The following ANKRD18B variants were observed in gnomAD, a reference collection of about 807,000 sequenced individuals.
The protein encoded by ANKRD18B is ankyrin repeat domain 18B.
Under a neutral mutation model 111.8 loss-of-function variants are expected in ANKRD18B, and 75 were observed. The ratio of observed to expected loss-of-function variants is 0.67; its 90% CI spans 0.56 to 0.81. The LOEUF (loss-of-function observed/expected upper bound fraction) is 0.81. Ranked by LOEUF, ANKRD18B falls within the 40% of genes least tolerant of loss-of-function variation. ANKRD18B has a pLI of 0.00. For synonymous variants in ANKRD18B, 356 were observed against 417.3 expected, an observed-to-expected ratio of 0.85 and a Z score of 1.79; for missense variants, 1,038 against 1,225.5, an observed-to-expected ratio of 0.85 and a Z score of 2.28.
chr9:33,567,919 TA>T (rs892577777), intron 16 of ANKRD18B, among the ~76,000 whole-genome samples: 4 of 152,204 alleles, frequency 2.6e-5, no homozygotes, highest in Non-Finnish European at 5.9e-5. Flanking sequence ...GGTTCAAAAA[TA>T]ACACCTTGTT....
intron 3 of ANKRD18B, among the ~76,000 whole-genome samples, 174 bp downstream of exon 3, chr9:33,529,347 C>A (rs548352682): frequency 6.6e-6 from 1 of 152,156 alleles, no homozygotes; most frequent in African/African-American, 2.4e-5. Flanking sequence ...TTAGAGGGCA[C>A]AGCTATTTTA....
chr9:33,524,809 G>C (rs1587253167), intron 1 of ANKRD18B, 114 bp downstream of exon 1: 1 of 1,266,404 alleles, frequency 7.9e-7, no homozygotes, highest in East Asian at 2.5e-5. Flanking sequence ...GAGCCAAATG[G>C]AGCCTCAGCT....
chr9:33,554,252 C>A (rs145275855), intron 12 of ANKRD18B, among the ~76,000 whole-genome samples: 9,297 of 152,076 alleles, frequency 0.061, 354 homozygotes, highest in South Asian at 0.11. Context: ...AAGGGTGAGA[C>A]AGCCCCCCTT....
At position 33,572,854 on chromosome 9, in the gene ANKRD18B, A is replaced by G. The variant is rs1206178736; in HGVS notation, c.*420A>G. On this transcript the variant is annotated 3_prime_UTR_variant, in exon 19 of 19. Coordinates refer to ENST00000684830, the MANE Select transcript of ANKRD18B (RefSeq NM_001393611.1). Reference sequence around the variant, plus strand: ...GGAGATACTTTGAAGCTCTGTAAATATCTGGTTACTCCTCAAAACCCACTA... The same window carrying G: ...GGAGATACTTTGAAGCTCTGTAAATGTCTGGTTACTCCTCAAAACCCACTA... 5.5e-5 allele frequency: 32 copies of G among 576,640 alleles called. No homozygotes were observed. The highest frequency in any genetic ancestry group is 7.1e-5 in the Non-Finnish European group (32 of 453,472). The allele number at this position is 576,640 out of a possible 1,614,324, so 35.7% of individuals were successfully genotyped here. A position where few individuals can be genotyped will look rare whatever the true frequency, so the allele number is the denominator to read the frequency against.
At chr9:33,537,180 C>G (rs1828214370) in intron 6 of ANKRD18B, among the ~76,000 whole-genome samples, 1 of 151,408 alleles carries the variant, frequency 6.6e-6, no homozygotes. Context: ...GCCTGTAATC[C>G]CAGCTACTCG....
At chr9:33,529,500 C>A (rs1828080472) in intron 3 of ANKRD18B, among the ~76,000 whole-genome samples, 2 of 152,098 alleles carry the variant, frequency 1.3e-5, no homozygotes, top group South Asian at 4.1e-4. Context: ...TAGGCTTTAT[C>A]TTAAAACTCA....
intron 14 of ANKRD18B, 96 bp downstream of exon 14, chr9:33,558,283 G>C: frequency 7.3e-7 from 1 of 1,367,402 alleles, no homozygotes; most frequent in South Asian, 1.4e-5. Context: ...ATGATGGTTT[G>C]CTGCACGTAT....
In ANKRD18B at chr9:33,567,314, A is replaced by T. The variant is rs780911880; in HGVS notation, c.2954A>T (p.Lys985Ile). 7.1e-6 allele frequency: 11 copies of T among 1,540,150 alleles called. No individual in the cohort carries two copies. The South Asian group carries it at 1.4e-4, about 19-fold the overall frequency. ...AGTTCCATGTCAGAAAAAATAACGA[A>T]GTAAGTCAAAACATATACTCATAGA... ...ANSSMSEKIT[K>I]SDKKIAVIST... The change falls in exon 16 of 19, where the codon AAA becomes ATA. Residue 985 changes from lysine (K) to isoleucine (I), a missense_variant and splice_region_variant. Physicochemically the swap from Lys to Ile is moderately radical, Grantham distance 102. Coordinates refer to ENST00000684830, the MANE Select transcript of ANKRD18B (RefSeq NM_001393611.1).
chr9:33,571,277 C>T lies in ANKRD18B; in HGVS notation c.3209C>T (p.Thr1070Ile), dbSNP rs1407934288. The T allele has an allele frequency of 8.6e-7, 1 of 1,165,244 alleles. No individual in the cohort carries two copies. The highest frequency in any genetic ancestry group is 1.1e-6 in the Non-Finnish European group (1 of 919,176). The allele number at this position is 1,165,244 out of a possible 1,614,324, so 72.2% of individuals were successfully genotyped here. A position where few individuals can be genotyped will look rare whatever the true frequency, so the allele number is the denominator to read the frequency against. ...CTGGACTGTGCAGAACAAATAATTA[C>T]AGAAACAAAGAAAAGTATGTTGCCA... is the stretch of plus-strand genomic sequence containing the variant. Reference protein sequence around the residue: ...MELDCAEQIITETKKTFAALG... With the variant: ...MELDCAEQIIIETKKTFAALG... The change falls in exon 18 of 19, where the codon ACA becomes ATA. Residue 1070 changes from threonine (T) to isoleucine (I), a missense_variant. This residue lies in a region of ANKRD18B where 524 missense variants were observed against 677.9 expected (regional missense o/e 0.77). Coordinates refer to ENST00000684830, the MANE Select transcript of ANKRD18B (RefSeq NM_001393611.1).
At chr9:33,560,601 A>G (rs1447138273) in intron 14 of ANKRD18B, among the ~76,000 whole-genome samples, 2 of 152,176 alleles carry the variant, frequency 1.3e-5, no homozygotes, top group Non-Finnish European at 2.9e-5. Flanking sequence ...TACATCAAAC[A>G]TTTTATGCAA....
rs1359836362 is a variant in ANKRD18B, at chr9:33,534,410, A to G, written c.643A>G (p.Ile215Val). The G allele has an allele frequency of 1.3e-6, 2 of 1,550,734 alleles. No individual in the cohort carries two copies. The highest frequency in any genetic ancestry group is 4.9e-5 in the East Asian group (2 of 40,874). Residue 215 changes from isoleucine to valine, a missense_variant, in exon 5 of 19, where the codon ATC becomes GTC. Transcript: ENST00000684830. ...ILAVQHNLSS[I>V]VTLLLQQNIH... ...TGCAGTACAGCATAACTTGTCAAGTATCGTCACCCTCCTGCTTCAACAAAA... is the reference window on the plus strand; with the variant it reads ...TGCAGTACAGCATAACTTGTCAAGTGTCGTCACCCTCCTGCTTCAACAAAA...
In ANKRD18B at chr9:33,568,765, C is replaced by T. The variant is rs41313967; in HGVS notation, c.3049C>T (p.Pro1017Ser). 0.062 allele frequency: 95,864 copies of T among 1,551,216 alleles called. 3,239 individuals carry two copies. The highest frequency in any genetic ancestry group is 0.12 in the Middle Eastern group (697 of 5,984). Residue 1017 changes from proline (P) to serine (S), a missense_variant, in exon 17 of 19, where the codon CCA (proline) becomes TCA (serine). By Grantham distance (74) the Pro-to-Ser change is moderately conservative. Around this residue, in one of 4 missense-constraint regions of ANKRD18B, gnomAD observed 524 missense variants for 677.9 expected, o/e 0.77. Transcript: ENST00000684830. ...CAGCACTCTTCCTATGAGGCCAGAC[C>T]CAGAGTTACCTTGTGTTGAAAATCT... ...FLSTLPMRPDPELPCVENLNS... is the reference protein window; with the variant it reads ...FLSTLPMRPDSELPCVENLNS...
chr9:33,559,975 C>T (rs1828582085), intron 14 of ANKRD18B, among the ~76,000 whole-genome samples: 1 of 152,220 alleles, frequency 6.6e-6, no homozygotes, highest in African/African-American at 2.4e-5. Flanking sequence ...CTTCCTCCCT[C>T]AGCCCTAGGG....
chr9:33,549,732 GACTTCT>G lies in ANKRD18B; in HGVS notation c.2068-693_2068-688del, dbSNP rs564218266. Among the ~76,000 whole-genome samples the G allele has an allele frequency of 2.6e-3, 402 of 152,144 alleles. 1 individual carries two copies. The highest frequency in any genetic ancestry group is 8.9e-3 in the African/African-American group (370 of 41,498). On this transcript the variant is annotated intron_variant, in intron 11 of 18. Transcript: ENST00000684830. ...TTTTCTGACCACTTAGTATTTTAAA[GACTTCT>G]ACTTGTTATAAAATCACAATTTGGA...
At chr9:33,550,983 C>G (rs1479663556) in intron 12 of ANKRD18B, among the ~76,000 whole-genome samples, 1 of 152,198 alleles carries the variant, frequency 6.6e-6, no homozygotes, top group Non-Finnish European at 1.5e-5. Flanking sequence ...TGAATGGACA[C>G]AGCAGCTGTG....
chr9:33,544,847 A>T (rs1264710965), intron 10 of ANKRD18B, among the ~76,000 whole-genome samples: 3 of 152,208 alleles, frequency 2.0e-5, no homozygotes, highest in African/African-American at 7.2e-5. Context: ...CAAAAAAAAA[A>T]TTCATTACAA....
At position 33,524,568 on chromosome 9, in the gene ANKRD18B, G is replaced by T. The variant is rs1342808549; in HGVS notation, c.79G>T (p.Gly27Trp). 6.4e-7 allele frequency: 1 copy of T among 1,551,512 alleles called. No homozygotes were observed. Among genetic ancestry groups the T allele is most frequent in the Admixed American group, 2.0e-5 (1 of 50,998 alleles). The stretch of plus-strand genomic sequence containing the variant: ...CATGGACCAAGAGTATGCGGGTCGG[G>T]GGTACCACATTCGGGACTGGGAACT... ...SSMDQEYAGRGYHIRDWELRK... is the reference protein window; with the variant it reads ...SSMDQEYAGRWYHIRDWELRK... Residue 27 changes from glycine (G) to tryptophan (W), a missense_variant, in exon 1 of 19, where the codon GGG (glycine) becomes TGG (tryptophan). Transcript: ENST00000684830.
intron 10 of ANKRD18B, among the ~76,000 whole-genome samples, chr9:33,545,546 C>G (rs1311898322): frequency 1.3e-5 from 2 of 152,194 alleles, no homozygotes; most frequent in Admixed American, 6.5e-5. Context: ...AGAAGCTCTT[C>G]TAAAGCTTAG....
intron 14 of ANKRD18B, among the ~76,000 whole-genome samples, chr9:33,562,142 G>A (rs140296424): frequency 0.061 from 9,282 of 150,974 alleles, 340 homozygotes; most frequent in South Asian, 0.098. Flanking sequence ...CTCCCTCTAT[G>A]GTTTCATTTT....
Sources: allele counts gnomAD v4.1 joint callset (sites outside exome capture counted in the v4.1 genomes callset), GRCh38; gene constraint gnomAD v4.1.1; regional missense constraint gnomAD v4.1.1; transcripts MANE v1.5; gene names NCBI Gene and HGNC (gene_info 2026-07-23, HGNC 2026-07-21).